Variants in STPG4 observed in about 807,000 individuals in gnomAD.
STPG4 encodes the protein protein STPG4.
Under a neutral mutation model 31.5 loss-of-function variants are expected in STPG4, and 41 were observed. That is an observed-to-expected ratio of 1.30 (90% CI 1.01 to 1.69). The LOEUF (loss-of-function observed/expected upper bound fraction) is 1.69, where lower values mean the gene tolerates loss of function less well. Ranked by LOEUF, STPG4 falls within the 40% of genes most tolerant of loss-of-function variation. The pLI is 0.00. For synonymous variants in STPG4, 141 were observed against 103.0 expected (o/e 1.37, Z -2.24); for missense variants, 375 against 293.4 (o/e 1.28, Z -2.03).
intron 3 of STPG4, among the ~76,000 whole-genome samples, chr2:47,135,862 A>C (rs1686586095): frequency 6.6e-6 from 1 of 152,264 alleles, no homozygotes; most frequent in East Asian, 1.9e-4. Flanking sequence ...TTCTTTGCCA[A>C]TATAATACTC....
chr2:47,130,453 T>C (rs181955348), intron 3 of STPG4, among the ~76,000 whole-genome samples, 193 bp from the exon 4 acceptor site: 69 of 152,368 alleles, frequency 4.5e-4, no homozygotes, highest in Non-Finnish European at 6.9e-4. Context: ...TCGGTCTTCA[T>C]GGTGAATTTT....
rs1209164895 is a variant in STPG4 at position 47,155,240 on chromosome 2, T to C, written c.12A>G (p.Pro4=). Residue 4 remains proline (P), a synonymous_variant, in exon 1 of 7, where the codon CCA becomes CCG. Coordinates refer to ENST00000445927, the MANE Select transcript of STPG4 (RefSeq NM_001163561.2). MDQ[P]AVATASTSIR... is the part of the protein sequence containing the mutation. ...TTGAGGTGGAAGCGGTGGCGACGGC[T>C]GGCTGGTCCATGGTGGCCTCCTCTC... 1.2e-6 allele frequency: 2 copies of C among 1,614,108 alleles called. No individual in the cohort carries two copies. Among genetic ancestry groups the C allele is most frequent in the Admixed American group, 3.3e-5 (2 of 60,006 alleles).
intron 5 of STPG4, among the ~76,000 whole-genome samples, chr2:47,093,217 C>T (rs577866361): frequency 1.3e-5 from 2 of 152,334 alleles, no homozygotes; most frequent in East Asian, 3.9e-4. Flanking sequence ...AAGCACACAT[C>T]TGATAATCAA....
At chr2:47,097,953 T>TAA (rs35729993) in intron 5 of STPG4, among the ~76,000 whole-genome samples, 76 of 130,112 alleles carry the variant, frequency 5.8e-4, no homozygotes, top group East Asian at 2.5e-3. Flanking sequence ...CCCCATCTCT[T>TAA]AAAAAAAAAA....
At chr2:47,089,225 G>C (rs897207181) in intron 6 of STPG4, among the ~76,000 whole-genome samples, 6 of 152,218 alleles carry the variant, frequency 3.9e-5, no homozygotes, top group African/African-American at 1.2e-4. Context: ...CATGTTTCTG[G>C]ATCATGGTGA....
At chr2:47,127,000 G>T (rs539627758) in intron 5 of STPG4, among the ~76,000 whole-genome samples, 1 of 151,966 alleles carries the variant, frequency 6.6e-6, no homozygotes, top group East Asian at 1.9e-4. Flanking sequence ...TCTTATTTGG[G>T]TTAAATATGC....
intron 5 of STPG4, among the ~76,000 whole-genome samples, chr2:47,118,537 C>T (rs10865220): frequency 0.13 from 20,381 of 152,104 alleles, 1,557 homozygotes; most frequent in African/African-American, 0.18. Context: ...TTCCCCACTC[C>T]AACCCTGGTC....
At chr2:47,154,112 C>T (rs1450362090) in intron 1 of STPG4, among the ~76,000 whole-genome samples, 2 of 152,162 alleles carry the variant, frequency 1.3e-5, no homozygotes, top group African/African-American at 4.8e-5. Flanking sequence ...AGCAGGACTG[C>T]ATTAAAAGTA....
intron 5 of STPG4, among the ~76,000 whole-genome samples, chr2:47,111,878 T>C (rs1178133612): frequency 2.0e-5 from 3 of 152,208 alleles, no homozygotes; most frequent in South Asian, 2.1e-4. Flanking sequence ...TTAAAAATCA[T>C]TTTCCAACCA....
At chr2:47,140,423 T>C (rs1053550521) in intron 3 of STPG4, among the ~76,000 whole-genome samples, 2 of 152,198 alleles carry the variant, frequency 1.3e-5, no homozygotes, top group Non-Finnish European at 2.9e-5. Flanking sequence ...AGGCACCCCC[T>C]ATGATTAGGT....
rs1279962549 is a variant in STPG4 at position 47,090,304 on chromosome 2, T to A, written c.590A>T (p.Gln197Leu). 1.3e-6 allele frequency: 2 copies of A among 1,551,778 alleles called. No homozygotes were observed. The highest frequency in any genetic ancestry group is 1.7e-6 in the Non-Finnish European group (2 of 1,147,000). Residue 197 changes from glutamine (Q) to leucine (L), a missense_variant, in exon 6 of 7, where the codon CAA (glutamine) becomes CTA (leucine). By Grantham distance (113) the Gln-to-Leu change is moderately radical (BLOSUM62 -2). Coordinates refer to ENST00000445927, the MANE Select transcript of STPG4 (RefSeq NM_001163561.2). ...GGGCAAGAATCGAGGGACTCTGGAT[T>A]GAAAACAAGAAGTGACAGAGCTTGT... Reference protein sequence around the residue: ...PPTSSVTSCFQSRVPRFLPSC... With the variant: ...PPTSSVTSCFLSRVPRFLPSC...
chr2:47,149,697 G>GATGTA (rs1686899325), intron 3 of STPG4, among the ~76,000 whole-genome samples: 2 of 152,102 alleles, frequency 1.3e-5, no homozygotes, highest in Non-Finnish European at 2.9e-5. Flanking sequence ...TTTCTCTCAG[G>GATGTA]TTATCACAAT....
chr2:47,118,899 T>C (rs1686206556), intron 5 of STPG4, among the ~76,000 whole-genome samples: 1 of 152,222 alleles, frequency 6.6e-6, no homozygotes, highest in South Asian at 2.1e-4. Flanking sequence ...TAAAGTTTCT[T>C]CCAGTTTTAA....
intron 5 of STPG4, among the ~76,000 whole-genome samples, chr2:47,101,626 G>A (rs13005926): frequency 0.22 from 33,028 of 151,494 alleles, 3,934 homozygotes; most frequent in Admixed American, 0.3. Context: ...TTAGGCACCC[G>A]GGTTCACCAA....
chr2:47,094,108 C>G (rs1487246157), intron 5 of STPG4, among the ~76,000 whole-genome samples: 1 of 152,250 alleles, frequency 6.6e-6, no homozygotes, highest in Non-Finnish European at 1.5e-5. Flanking sequence ...CAAGTGTGAT[C>G]TAGACCTTGG....
At chr2:47,104,351 C>A (rs1336420450) in intron 5 of STPG4, among the ~76,000 whole-genome samples, 3 of 151,998 alleles carry the variant, frequency 2.0e-5, no homozygotes, top group Non-Finnish European at 4.4e-5. Context: ...CCCTGCAACA[C>A]CCCAATTCTG....
At chr2:47,111,905 T>C (rs1686044371) in intron 5 of STPG4, among the ~76,000 whole-genome samples, 1 of 152,210 alleles carries the variant, frequency 6.6e-6, no homozygotes, top group South Asian at 2.1e-4. Flanking sequence ...TTACCAGTTG[T>C]TTCTCCACCT....
intron 5 of STPG4, among the ~76,000 whole-genome samples, chr2:47,119,244 T>G (rs929654598): frequency 1.3e-5 from 2 of 152,252 alleles, no homozygotes; most frequent in African/African-American, 4.8e-5. Flanking sequence ...GGGCTGTTAC[T>G]TTGCCTTGGA....
At position 47,098,598 on chromosome 2, in the gene STPG4, T is replaced by C. The variant is rs116356688; in HGVS notation, c.520-8224A>G. The stretch of plus-strand genomic sequence containing the variant: ...GCACAAACAGCTTTCAGTTGATATA[T>C]TGAAAAGAGAAAGGGTCAGAAAAAA... On this transcript the variant is annotated intron_variant, in intron 5 of 6. Transcript: ENST00000445927. Among the ~76,000 whole-genome samples the C allele has an allele frequency of 8.1e-3, 1,235 of 152,184 alleles. 12 individuals are homozygous for C. The highest frequency in any genetic ancestry group is 0.013 in the Non-Finnish European group (915 of 67,998).
Sources: allele counts gnomAD v4.1 joint callset (sites outside exome capture counted in the v4.1 genomes callset), GRCh38; gene constraint gnomAD v4.1.1; transcripts MANE v1.5; gene names NCBI Gene and HGNC (gene_info 2026-07-23, HGNC 2026-07-21).